The following DLGAP2 variants were observed in gnomAD, a reference collection of about 807,000 sequenced individuals.
The protein encoded by DLGAP2 is disks large-associated protein 2.
In DLGAP2, 26 loss-of-function variants were observed where a neutral mutation model predicts 100.3. The observed-to-expected ratio is 0.26, with a 90% confidence interval of 0.19 to 0.36. DLGAP2 has a LOEUF of 0.36. DLGAP2 is among the 10% of genes least tolerant of loss of function. The probability of loss-of-function intolerance (pLI) is 1.00; values close to 1 mark genes in which losing one functional copy is unlikely to be tolerated. For synonymous variants in DLGAP2, 886 were observed against 630.1 expected, an observed-to-expected ratio of 1.41 and a Z score of -6.08; for missense variants, 1,858 against 1,453.2, an observed-to-expected ratio of 1.28 and a Z score of -4.53.
At chr8:1,013,649 G>T (rs1321200184) in intron 2 of DLGAP2, among the ~76,000 whole-genome samples, 2 of 137,320 alleles carry the variant, frequency 1.5e-5, no homozygotes, top group Admixed American at 7.0e-5. Flanking sequence ...CTGTGTGTGT[G>T]ACCAGGACAG....
intron 2 of DLGAP2, among the ~76,000 whole-genome samples, chr8:969,313 G>A (rs897623055): frequency 3.9e-5 from 6 of 152,108 alleles, no homozygotes; most frequent in African/African-American, 1.4e-4. Flanking sequence ...CCCGCTGGCC[G>A]ACACACTCTG....
At chr8:1,475,311 T>C (rs1199723330) in intron 3 of DLGAP2, among the ~76,000 whole-genome samples, 1 of 151,286 alleles carries the variant, frequency 6.6e-6, no homozygotes, top group Non-Finnish European at 1.5e-5. Context: ...AATTCTAAAA[T>C]AAACGTTAAA....
chr8:1,513,642 G>A (rs577475273), intron 4 of DLGAP2, among the ~76,000 whole-genome samples: 4 of 152,352 alleles, frequency 2.6e-5, no homozygotes, highest in South Asian at 2.1e-4. Context: ...CCTCCTGGTC[G>A]TGTATGTAAG....
At chr8:1,563,822 C>T (rs999876180) in intron 5 of DLGAP2, among the ~76,000 whole-genome samples, 1 of 152,116 alleles carries the variant, frequency 6.6e-6, no homozygotes, top group Non-Finnish European at 1.5e-5. Flanking sequence ...CACGCAGATC[C>T]CTGCTGGTAG....
chr8:1,485,155 C>T (rs544476795), intron 3 of DLGAP2, among the ~76,000 whole-genome samples: 2 of 152,214 alleles, frequency 1.3e-5, no homozygotes, highest in Non-Finnish European at 2.9e-5. Flanking sequence ...GTTAATGCAG[C>T]TGCCCTGTCA....
At chr8:1,357,420 C>G (rs1245643610) in intron 3 of DLGAP2, among the ~76,000 whole-genome samples, 1 of 137,582 alleles carries the variant, frequency 7.3e-6, no homozygotes, top group Non-Finnish European at 1.6e-5. Context: ...TTTTTTGTAG[C>G]TTTTTATTAT....
At chr8:1,166,693 C>T (rs930799281) in intron 2 of DLGAP2, among the ~76,000 whole-genome samples, 2 of 152,152 alleles carry the variant, frequency 1.3e-5, no homozygotes, top group African/African-American at 4.8e-5. Context: ...AATCACCCCA[C>T]ATTGTGAACG....
intron 2 of DLGAP2, among the ~76,000 whole-genome samples, chr8:1,117,921 A>G (rs1795932760): frequency 6.6e-6 from 1 of 152,148 alleles, no homozygotes; most frequent in Non-Finnish European, 1.5e-5. Context: ...CAATTCAAAC[A>G]TGGAAAAAGC....
chr8:1,434,900 T>C (rs1304893035), intron 3 of DLGAP2, among the ~76,000 whole-genome samples: 1 of 152,178 alleles, frequency 6.6e-6, no homozygotes, highest in Non-Finnish European at 1.5e-5. Context: ...TTCTTATCAC[T>C]GGGCTTTGAT....
At chr8:1,259,512 G>C (rs540353802) in intron 3 of DLGAP2, 1 of 152,196 alleles carries the variant, frequency 6.6e-6, no homozygotes, top group Non-Finnish European at 1.5e-5. Flanking sequence ...CCTATTAGCG[G>C]GGACTCTGAA....
intron 2 of DLGAP2, among the ~76,000 whole-genome samples, chr8:938,449 G>A (rs1289953802): frequency 6.6e-6 from 1 of 152,188 alleles, no homozygotes; most frequent in African/African-American, 2.4e-5. Context: ...AGGGGACGGA[G>A]GTGAAGAAGA....
chr8:831,282 T>C (rs10107146), intron 1 of DLGAP2, among the ~76,000 whole-genome samples: 37,396 of 149,334 alleles, frequency 0.25, 5,072 homozygotes, highest in Middle Eastern at 0.34. Context: ...GTTACATAGG[T>C]ATATACATGT....
Position 1,386,826 on chromosome 8 carries a change from A to G in DLGAP2, c.107-114540A>G, listed in dbSNP as rs116485545. On this transcript the variant is annotated intron_variant, in intron 3 of 14. Coordinates refer to ENST00000637795, the MANE Select transcript of DLGAP2 (RefSeq NM_001346810.2). ...TTGATTTTTGAATGGGTTTTACCAT[A>G]TTGATGGAAAAAAAATGCTATGACT... Among the ~76,000 whole-genome samples the G allele has an allele frequency of 9.1e-3, 1,389 of 152,292 alleles. 23 individuals are homozygous for G. The highest frequency in any genetic ancestry group is 0.031 in the African/African-American group (1,307 of 41,550).
intron 2 of DLGAP2, among the ~76,000 whole-genome samples, chr8:1,020,538 C>G (rs2129024363): frequency 6.6e-6 from 1 of 152,278 alleles, no homozygotes; most frequent in East Asian, 1.9e-4. Context: ...GGTGCTCACA[C>G]AATGTGTTGA....
At chr8:1,573,039 C>A (rs1802803930) in intron 6 of DLGAP2, among the ~76,000 whole-genome samples, 1 of 46,686 alleles carries the variant, frequency 2.1e-5, no homozygotes, top group African/African-American at 9.9e-5. Context: ...GTGGGGGTGT[C>A]TGATGAGATG....
intron 1 of DLGAP2, among the ~76,000 whole-genome samples, chr8:740,874 G>C (rs1820465068): frequency 6.6e-6 from 1 of 152,138 alleles, no homozygotes; most frequent in Non-Finnish European, 1.5e-5. Flanking sequence ...CCTCAGGATG[G>C]ATGCTCCATG....
chr8:1,131,665 G>T (rs1796298119), intron 2 of DLGAP2, among the ~76,000 whole-genome samples: 1 of 150,972 alleles, frequency 6.6e-6, no homozygotes, highest in East Asian at 1.9e-4. Context: ...TCCACATTAG[G>T]TGAGATGTTT....
At chr8:1,279,768 A>G (rs950037984) in intron 3 of DLGAP2, among the ~76,000 whole-genome samples, 23 of 152,328 alleles carry the variant, frequency 1.5e-4, no homozygotes, top group Admixed American at 1.5e-3. Flanking sequence ...AAAGCCAGCA[A>G]CAGAGCCAGA....
chr8:1,116,306 G>A (rs1034289419), intron 2 of DLGAP2, among the ~76,000 whole-genome samples: 1 of 152,232 alleles, frequency 6.6e-6, no homozygotes, highest in Non-Finnish European at 1.5e-5. Flanking sequence ...CAAAGCACCA[G>A]CTGTGTCTCA....
Sources: allele counts gnomAD v4.1 joint callset (sites outside exome capture counted in the v4.1 genomes callset), GRCh38; gene constraint gnomAD v4.1.1; transcripts MANE v1.5; gene names NCBI Gene and HGNC (gene_info 2026-07-23, HGNC 2026-07-21).